EML4: variants seen among roughly 807,000 people sequenced by gnomAD.
EML4 encodes the protein echinoderm microtubule-associated protein-like 4.
A neutral mutation model predicts 129.0 loss-of-function variants in EML4; 72 were observed. The ratio of observed to expected loss-of-function variants is 0.56; its 90% CI spans 0.46 to 0.68. EML4 has a LOEUF of 0.68. EML4 is among the 30% of genes least tolerant of loss of function. The pLI is 0.00. For missense variants in EML4, 1,363 were observed against 1,190.6 expected, an observed-to-expected ratio of 1.14 and a Z score of -2.13; for synonymous variants, 532 against 405.0, an observed-to-expected ratio of 1.31 and a Z score of -3.77.
chr2:42,232,870 G>A (rs529206668), intron 1 of EML4, among the ~76,000 whole-genome samples: 14 of 151,434 alleles, frequency 9.2e-5, no homozygotes, highest in Admixed American at 4.6e-4. Flanking sequence ...GACTACAGGC[G>A]CCCGCCACAA....
At chr2:42,175,624 G>A (rs990195044) in intron 1 of EML4, among the ~76,000 whole-genome samples, 5 of 151,916 alleles carry the variant, frequency 3.3e-5, no homozygotes, top group African/African-American at 9.7e-5. Context: ...TCAGCCTCCC[G>A]AGTAGCTGAG....
chr2:42,171,695 T>G (rs536819657), intron 1 of EML4, among the ~76,000 whole-genome samples: 2 of 152,314 alleles, frequency 1.3e-5, no homozygotes, highest in South Asian at 4.1e-4. Context: ...AGAGGAGATA[T>G]GCCTATCAGA....
intron 1 of EML4, among the ~76,000 whole-genome samples, chr2:42,244,245 C>T (rs1046944426): frequency 6.6e-6 from 1 of 151,746 alleles, no homozygotes; most frequent in African/African-American, 2.4e-5. Flanking sequence ...ACTACAGGCA[C>T]ACGCCACCAA....
At position 42,330,437 on chromosome 2, in the gene EML4, A is replaced by T. The variant is rs1670046423; in HGVS notation, c.*230A>T. On this transcript the variant is annotated 3_prime_UTR_variant, in exon 23 of 23. Coordinates refer to ENST00000318522, the MANE Select transcript of EML4 (RefSeq NM_019063.5). ...AAACTTAATACTAGGAGAAGACTGA[A>T]TCATTAATGATGTCTCACAAATTAC... The T allele has an allele frequency of 1.7e-6, 1 of 598,522 alleles. No homozygotes were observed. The highest frequency in any genetic ancestry group is 1.8e-5 in the African/African-American group (1 of 54,316). The allele number at this position is 598,522 out of a possible 1,614,324, so 37.1% of individuals were successfully genotyped here. A position where few individuals can be genotyped will look rare whatever the true frequency, so the allele number is the denominator to read the frequency against.
intron 9 of EML4, chr2:42,286,001 G>A: frequency 4.1e-6 from 2 of 482,426 alleles, no homozygotes; most frequent in Non-Finnish European, 7.5e-6. Context: ...TGTACCTGTA[G>A]TGCATAGGAT....
intron 6 of EML4, among the ~76,000 whole-genome samples, chr2:42,266,116 G>T (rs1053266668): frequency 7.2e-5 from 11 of 152,112 alleles, no homozygotes; most frequent in Non-Finnish European, 1.3e-4. Context: ...CTTGATTTCT[G>T]TGGATTTTTA....
chr2:42,287,817 G>T (rs1333882711), intron 10 of EML4, among the ~76,000 whole-genome samples: 1 of 152,066 alleles, frequency 6.6e-6, no homozygotes, highest in Non-Finnish European at 1.5e-5. Flanking sequence ...CTGTCAAACT[G>T]TCAAAATTTA....
chr2:42,297,174 A>T (rs939686538), intron 13 of EML4, among the ~76,000 whole-genome samples: 17 of 152,180 alleles, frequency 1.1e-4, no homozygotes, highest in African/African-American at 3.4e-4. Flanking sequence ...ATAGAGTTAC[A>T]ACAACAATAT....
At chr2:42,309,459 T>C (rs1346933495) in intron 17 of EML4, among the ~76,000 whole-genome samples, 1 of 151,896 alleles carries the variant, frequency 6.6e-6, no homozygotes, top group Non-Finnish European at 1.5e-5. Flanking sequence ...TTTTTTTTTT[T>C]TGTTTAGGAA....
intron 14 of EML4, among the ~76,000 whole-genome samples, chr2:42,302,730 C>T (rs1668360623): frequency 6.6e-6 from 1 of 152,060 alleles, no homozygotes; most frequent in Non-Finnish European, 1.5e-5. Flanking sequence ...GACAGGGTTT[C>T]ACCATGTTGG....
At chr2:42,259,568 C>G (rs998987735) in intron 3 of EML4, among the ~76,000 whole-genome samples, 20 of 151,882 alleles carry the variant, frequency 1.3e-4, no homozygotes, top group Non-Finnish European at 2.2e-4. Flanking sequence ...TGATCAAATT[C>G]CTTGTTGACT....
chr2:42,258,396 GATATAT>G (rs10538737), intron 3 of EML4, among the ~76,000 whole-genome samples: 1 of 149,552 alleles, frequency 6.7e-6, no homozygotes, highest in Non-Finnish European at 1.5e-5. Flanking sequence ...TATTTTTTAA[GATATAT>G]ATATATATAT....
chr2:42,297,373 T>C (rs1332006524), intron 13 of EML4, among the ~76,000 whole-genome samples: 1 of 152,214 alleles, frequency 6.6e-6, no homozygotes, highest in African/African-American at 2.4e-5. Flanking sequence ...TTAGCCTTAA[T>C]ATTTGTGTTC....
chr2:42,289,508 T>C (rs1667502638), intron 11 of EML4: 1 of 152,198 alleles, frequency 6.6e-6, no homozygotes, highest in African/African-American at 2.4e-5. Flanking sequence ...TAGACATCTT[T>C]ATTTGAATGT....
intron 10 of EML4, among the ~76,000 whole-genome samples, 160 bp downstream of exon 10, chr2:42,286,539 T>G (rs976828851): frequency 1.3e-5 from 2 of 152,198 alleles, no homozygotes; most frequent in Non-Finnish European, 2.9e-5. Context: ...ATGGCTAGCA[T>G]TTTGACCTAA....
chr2:42,193,241 G>A (rs191839433), intron 1 of EML4, among the ~76,000 whole-genome samples: 5 of 152,150 alleles, frequency 3.3e-5, no homozygotes, highest in African/African-American at 1.2e-4. Flanking sequence ...TATAGCCTAG[G>A]TCTGTAGTAG....
intron 1 of EML4, among the ~76,000 whole-genome samples, chr2:42,184,258 A>C (rs1036405955): frequency 6.6e-6 from 1 of 151,858 alleles, no homozygotes; most frequent in Non-Finnish European, 1.5e-5. Context: ...TTATATTTTA[A>C]GTTTTAGGGT....
chr2:42,234,567 A>C (rs1381444708), intron 1 of EML4, among the ~76,000 whole-genome samples: 1 of 152,188 alleles, frequency 6.6e-6, no homozygotes, highest in East Asian at 1.9e-4. Flanking sequence ...TCCCTCCATT[A>C]GCCCCCTTCT....
chr2:42,305,072 T>C (rs1246967358), intron 17 of EML4, among the ~76,000 whole-genome samples: 5 of 151,998 alleles, frequency 3.3e-5, no homozygotes, highest in Admixed American at 2.0e-4. Context: ...GCCGAGATTG[T>C]GCCACTGCGC....
Sources: allele counts gnomAD v4.1 joint callset (sites outside exome capture counted in the v4.1 genomes callset), GRCh38; gene constraint gnomAD v4.1.1; transcripts MANE v1.5; gene names NCBI Gene and HGNC (gene_info 2026-07-23, HGNC 2026-07-21).